The following KDM4C variants were observed in gnomAD, a reference collection of about 807,000 sequenced individuals.
The protein encoded by KDM4C is lysine demethylase 4C, also known as lysine-specific demethylase 4C.
A neutral mutation model predicts 129.3 loss-of-function variants in KDM4C; 81 were observed. That is an observed-to-expected ratio of 0.63 (90% CI 0.52 to 0.75). The LOEUF is 0.75. Ranked by LOEUF, KDM4C falls within the 30% of genes least tolerant of loss-of-function variation. The pLI is 0.00. For synonymous variants in KDM4C, 573 were observed against 456.1 expected (o/e 1.26, Z -3.26); for missense variants, 1,457 against 1,304.0 (o/e 1.12, Z -1.81).
chr9:7,015,769 T>C (rs1185804652), intron 14 of KDM4C, 84 bp from the exon 15 acceptor site: 4 of 912,670 alleles, frequency 4.4e-6, no homozygotes, highest in Non-Finnish European at 5.3e-6. Context: ...TAGTGTCCCA[T>C]TTTTATTTAT....
chr9:7,028,764 G>T (rs973277696), intron 15 of KDM4C, among the ~76,000 whole-genome samples: 1 of 152,104 alleles, frequency 6.6e-6, no homozygotes, highest in Admixed American at 6.5e-5. Flanking sequence ...ATCTCCCTCT[G>T]ACGTGGACTG....
chr9:6,855,584 G>T (rs1309185673), intron 5 of KDM4C, among the ~76,000 whole-genome samples: 1 of 150,808 alleles, frequency 6.6e-6, no homozygotes, highest in Non-Finnish European at 1.5e-5. Context: ...CCCATTGGAT[G>T]TCTGTCTCAG....
intron 8 of KDM4C, among the ~76,000 whole-genome samples, chr9:6,919,247 T>TTTTCTTTCTTTCTTTCTTTCTTTC (rs141381388): frequency 2.7e-4 from 29 of 106,362 alleles, no homozygotes; most frequent in African/African-American, 1.0e-3. Flanking sequence ...TCTTTCTTTC[T>TTTTCTTTCTTTCTTTCTTTCTTTC]TTTCTTTCTT....
intron 18 of KDM4C, among the ~76,000 whole-genome samples, chr9:7,106,933 G>A (rs1250188996): frequency 1.3e-5 from 2 of 151,608 alleles, no homozygotes; most frequent in African/African-American, 4.9e-5. Flanking sequence ...AATTAGAATA[G>A]GCAGTGCTTG....
intron 15 of KDM4C, 28 bp downstream of exon 15, chr9:7,015,957 A>G (rs900068599): frequency 1.5e-5 from 23 of 1,533,520 alleles, no homozygotes; most frequent in Non-Finnish European, 2.1e-5. Flanking sequence ...GTATTGCTTA[A>G]CCTTTCTTCC....
chr9:7,170,068 G>A (rs1844809246), intron 21 of KDM4C, 178 bp downstream of exon 21: 2 of 1,503,108 alleles, frequency 1.3e-6, no homozygotes, highest in Non-Finnish European at 1.8e-6. Flanking sequence ...AACCAAAATC[G>A]GGGAAATTAA....
At chr9:6,867,764 C>A (rs183851388) in intron 5 of KDM4C, among the ~76,000 whole-genome samples, 1,776 of 152,286 alleles carry the variant, frequency 0.012, 16 homozygotes, top group South Asian at 0.035. Context: ...AACATGTGAA[C>A]TTGACAGAAT....
At chr9:6,951,585 C>T (rs1379349174) in intron 8 of KDM4C, among the ~76,000 whole-genome samples, 3 of 152,158 alleles carry the variant, frequency 2.0e-5, no homozygotes, top group Non-Finnish European at 4.4e-5. Flanking sequence ...CTCTTGTAAC[C>T]AGAACTGACC....
intron 15 of KDM4C, among the ~76,000 whole-genome samples, chr9:7,036,099 A>C (rs941244103): frequency 1.3e-5 from 2 of 152,108 alleles, no homozygotes; most frequent in Admixed American, 1.3e-4. Flanking sequence ...TAACAATGTT[A>C]ATTCTTCCAA....
At position 7,106,391 on chromosome 9, in the gene KDM4C, C is replaced by T. The variant is rs183707954; in HGVS notation, c.2610+2521C>T. ...TTATTTGAAAGTAATAGGCAATTGC[C>T]GAATCATAGCAGTGAAAACTGTAAA... On this transcript the variant is annotated intron_variant, in intron 18 of 21. Coordinates refer to ENST00000381309, the MANE Select transcript of KDM4C (RefSeq NM_015061.6). 8.5e-5 allele frequency among the ~76,000 whole-genome samples: 13 copies of T among 152,232 alleles called. No individual in the cohort carries two copies. The East Asian group carries it at 1.9e-3, about 23-fold the overall frequency.
intron 13 of KDM4C, 59 bp downstream of exon 13, chr9:7,011,938 C>G: frequency 3.6e-6 from 5 of 1,385,284 alleles, no homozygotes; most frequent in Non-Finnish European, 4.0e-6. Flanking sequence ...TGACCACATA[C>G]CACAAGATCA....
At chr9:6,985,540 A>G (rs1817537899) in intron 10 of KDM4C, among the ~76,000 whole-genome samples, 1 of 152,248 alleles carries the variant, frequency 6.6e-6, no homozygotes, top group Non-Finnish European at 1.5e-5. Context: ...TGGATAGCCA[A>G]GGTTTCTTGG....
chr9:6,898,175 C>A (rs1265896061), intron 8 of KDM4C, among the ~76,000 whole-genome samples: 1 of 152,182 alleles, frequency 6.6e-6, no homozygotes, highest in Non-Finnish European at 1.5e-5. Flanking sequence ...TTAAATGAAA[C>A]TTTGGCTTAG....
At chr9:6,960,898 A>G (rs1330145945) in intron 8 of KDM4C, among the ~76,000 whole-genome samples, 1 of 152,196 alleles carries the variant, frequency 6.6e-6, no homozygotes, top group Admixed American at 6.5e-5. Context: ...GCTAGTGAGC[A>G]CTACAGTCTA....
At chr9:7,003,243 C>T (rs1220274893) in intron 12 of KDM4C, among the ~76,000 whole-genome samples, 1 of 152,168 alleles carries the variant, frequency 6.6e-6, no homozygotes. Context: ...ATATAAATGT[C>T]TGATTATAGC....
At chr9:7,153,009 T>C (rs11789237) in intron 19 of KDM4C, among the ~76,000 whole-genome samples, 24,401 of 152,236 alleles carry the variant, frequency 0.16, 2,318 homozygotes, top group Middle Eastern at 0.29. Context: ...GATAGAAATA[T>C]GAGGTTTTAA....
At chr9:6,975,471 G>A (rs1029260081) in intron 8 of KDM4C, among the ~76,000 whole-genome samples, 9 of 152,180 alleles carry the variant, frequency 5.9e-5, no homozygotes, top group Admixed American at 5.2e-4. Flanking sequence ...GTGTAGAAGT[G>A]CTAGATTTGA....
At chr9:6,934,230 C>T (rs1279581041) in intron 8 of KDM4C, among the ~76,000 whole-genome samples, 2 of 151,196 alleles carry the variant, frequency 1.3e-5, no homozygotes, top group Non-Finnish European at 3.0e-5. Context: ...GCCGGTAATC[C>T]TATCACTTTG....
At chr9:6,826,177 GTTTTT>G (rs763833835) in intron 4 of KDM4C, among the ~76,000 whole-genome samples, 1 of 143,908 alleles carries the variant, frequency 6.9e-6, no homozygotes, top group Non-Finnish European at 1.5e-5. Flanking sequence ...CTGGGGAAAA[GTTTTT>G]TTTTTTTTGC....
Sources: allele counts gnomAD v4.1 joint callset (sites outside exome capture counted in the v4.1 genomes callset), GRCh38; gene constraint gnomAD v4.1.1; transcripts MANE v1.5; gene names NCBI Gene and HGNC (gene_info 2026-07-23, HGNC 2026-07-21).